The following ZMYM2 variants were observed in gnomAD, a reference collection of about 807,000 sequenced individuals.
The protein encoded by ZMYM2 is zinc finger MYM-type protein 2.
In ZMYM2, 56 loss-of-function variants were observed where a neutral mutation model predicts 162.8. The ratio of observed to expected loss-of-function variants is 0.34; its 90% CI spans 0.28 to 0.43. The LOEUF is 0.43. Among genes scored for constraint, ZMYM2 ranks in the 20% least tolerant of loss-of-function variants. ZMYM2 has a pLI of 1.00. For missense variants in ZMYM2, 1,275 were observed against 1,621.8 expected, an observed-to-expected ratio of 0.79 and a Z score of 3.67; for synonymous variants, 510 against 541.6, an observed-to-expected ratio of 0.94 and a Z score of 0.81.
the ZMYM2 span, among the ~76,000 whole-genome samples, chr13:19,878,970 C>G: frequency 6.6e-6 from 1 of 152,112 alleles, no homozygotes; most frequent in African/African-American, 2.4e-5. Context: ...AGCATCTTTC[C>G]ATGCAAAAAA....
At chr13:20,060,096 G>C (rs895318997) in intron 16 of ZMYM2, among the ~76,000 whole-genome samples, 15 of 152,102 alleles carry the variant, frequency 9.9e-5, no homozygotes, top group African/African-American at 3.4e-4. Context: ...CTGACTGTAG[G>C]GGTGTGGAAC....
chr13:19,912,250 T>C, the ZMYM2 span, among the ~76,000 whole-genome samples: 5 of 145,554 alleles, frequency 3.4e-5, no homozygotes, highest in Admixed American at 6.9e-5. Flanking sequence ...ACATCAACCC[T>C]CCAGTCCTAT....
intron 14 of ZMYM2, among the ~76,000 whole-genome samples, chr13:20,057,954 A>G (rs1955934792): frequency 1.3e-5 from 2 of 152,000 alleles, no homozygotes; most frequent in African/African-American, 4.8e-5. Flanking sequence ...TTCAGATTTT[A>G]TTTATGTGGG....
intron 5 of ZMYM2, among the ~76,000 whole-genome samples, chr13:20,005,709 T>C (rs1950688729): frequency 6.6e-6 from 1 of 152,228 alleles, no homozygotes; most frequent in Non-Finnish European, 1.5e-5. Flanking sequence ...TGATTTATAA[T>C]GGTTCTCCCC....
At chr13:19,999,871 C>T (rs1487573693) in intron 3 of ZMYM2, among the ~76,000 whole-genome samples, 1 of 152,172 alleles carries the variant, frequency 6.6e-6, no homozygotes, top group Non-Finnish European at 1.5e-5. Flanking sequence ...GAACTTGGCT[C>T]ACTGCAGCCT....
At chr13:19,904,283 G>A in the ZMYM2 span, among the ~76,000 whole-genome samples, 6 of 152,090 alleles carry the variant, frequency 3.9e-5, no homozygotes, top group East Asian at 1.9e-4. Flanking sequence ...TTGGCCGGGC[G>A]TGGTGGCTCA....
intron 12 of ZMYM2, among the ~76,000 whole-genome samples, chr13:20,044,095 A>T (rs542688982): frequency 6.6e-6 from 1 of 152,260 alleles, no homozygotes; most frequent in South Asian, 2.1e-4. Flanking sequence ...CAGATCTGAC[A>T]GTTGCCCTAG....
At chr13:19,931,008 G>A in the ZMYM2 span, among the ~76,000 whole-genome samples, 2 of 151,254 alleles carry the variant, frequency 1.3e-5, no homozygotes, top group African/African-American at 4.8e-5. Flanking sequence ...GCGCGGTGGC[G>A]GGCGCCTGTA....
the ZMYM2 span, among the ~76,000 whole-genome samples, chr13:19,885,970 CACATATATATGTATAT>C: frequency 8.5e-5 from 8 of 94,326 alleles, 3 homozygotes; most frequent in Non-Finnish European, 1.4e-4. Context: ...TATGTGTATA[CACATATATATGTATAT>C]ACACATATAT....
intron 12 of ZMYM2, among the ~76,000 whole-genome samples, chr13:20,044,980 G>T (rs943650318): frequency 6.7e-6 from 1 of 149,794 alleles, no homozygotes; most frequent in Non-Finnish European, 1.5e-5. Context: ...AACCCGGGAG[G>T]CGGAGGTTGC....
intron 1 of ZMYM2, among the ~76,000 whole-genome samples, chr13:19,959,256 G>T (rs1012417547): frequency 6.6e-6 from 1 of 151,400 alleles, no homozygotes; most frequent in Non-Finnish European, 1.5e-5. Flanking sequence ...CTCTCCGGCG[G>T]GGGGCGGGGG....
At chr13:19,960,519 T>A (rs1955091216) in intron 2 of ZMYM2, among the ~76,000 whole-genome samples, 1 of 152,226 alleles carries the variant, frequency 6.6e-6, no homozygotes, top group South Asian at 2.1e-4. Context: ...GCTCATGAGT[T>A]GCTAGATCTT....
the ZMYM2 span, among the ~76,000 whole-genome samples, chr13:19,904,841 C>A: frequency 5.3e-5 from 8 of 151,978 alleles, no homozygotes; most frequent in Non-Finnish European, 1.0e-4. Flanking sequence ...CAAGTCTCAC[C>A]CATGTTGTAT....
chr13:20,039,361 G>C (rs1954019292), intron 12 of ZMYM2, among the ~76,000 whole-genome samples: 1 of 152,122 alleles, frequency 6.6e-6, no homozygotes, highest in Non-Finnish European at 1.5e-5. Flanking sequence ...GTTTTCAAGG[G>C]GAATGCATGC....
chr13:19,918,431 C>A, the ZMYM2 span, among the ~76,000 whole-genome samples: 10 of 149,508 alleles, frequency 6.7e-5, no homozygotes, highest in Non-Finnish European at 1.5e-4. Context: ...GGCAACAGAG[C>A]AAAACTCTGC....
At chr13:20,022,966 A>G (rs1029753965) in intron 7 of ZMYM2, among the ~76,000 whole-genome samples, 3 of 152,124 alleles carry the variant, frequency 2.0e-5, no homozygotes, top group Non-Finnish European at 4.4e-5. Context: ...TATTTTTTAA[A>G]TTTTTGAAAT....
At chr13:19,902,541 G>T in the ZMYM2 span, among the ~76,000 whole-genome samples, 1 of 152,022 alleles carries the variant, frequency 6.6e-6, no homozygotes, top group East Asian at 1.9e-4. Context: ...GCTTGAACCC[G>T]GGAGGCAGAG....
chr13:19,873,834 C>T, the ZMYM2 span, among the ~76,000 whole-genome samples: 1 of 152,210 alleles, frequency 6.6e-6, no homozygotes, highest in Non-Finnish European at 1.5e-5. Flanking sequence ...CAGAAAGGTA[C>T]AGCTGGGCTC....
rs1460647214 is a variant in ZMYM2 at position 20,051,446 on chromosome 13, A to T, written c.2306A>T (p.Asp769Val). ...TTTTAAATTAAGGCTGCAAGGTGTG[A>T]CTGTTGTAAATCTCAAGGAACTCTT... ...QDWYYKAARCDCCKSQGTLKE... is the reference protein window; with the variant it reads ...QDWYYKAARCVCCKSQGTLKE... The change falls in exon 13 of 25, where the codon GAC becomes GTC. Residue 769 changes from aspartate to valine, a missense_variant. This residue lies in a region of ZMYM2 where 177 missense variants were observed against 228.0 expected (regional missense o/e 0.78). Coordinates refer to ENST00000610343, the MANE Select transcript of ZMYM2 (RefSeq NM_197968.4). The T allele has an allele frequency of 4.3e-6, 7 of 1,612,394 alleles. No individual in the cohort carries two copies. The highest frequency in any genetic ancestry group is 5.9e-6 in the Non-Finnish European group (7 of 1,179,218).
Sources: allele counts gnomAD v4.1 joint callset (sites outside exome capture counted in the v4.1 genomes callset), GRCh38; gene constraint gnomAD v4.1.1; regional missense constraint gnomAD v4.1.1; transcripts MANE v1.5; gene names NCBI Gene and HGNC (gene_info 2026-07-23, HGNC 2026-07-21).